The following SLC24A2 variants were observed in gnomAD, a reference collection of about 807,000 sequenced individuals.
SLC24A2 encodes solute carrier family 24 member 2, also known as sodium/potassium/calcium exchanger 2.
SLC24A2 carries 36 observed loss-of-function variants against 62.0 expected under a neutral mutation model. That is an observed-to-expected ratio of 0.58 (90% CI 0.44 to 0.77). SLC24A2 has a LOEUF of 0.77. SLC24A2 is among the 30% of genes least tolerant of loss of function. SLC24A2 has a pLI of 0.00. For missense variants in SLC24A2, 846 were observed against 817.9 expected (o/e 1.03, Z -0.42); for synonymous variants, 358 against 294.0 (o/e 1.22, Z -2.23).
chr9:19,544,942 C>A (rs1834474278), intron 8 of SLC24A2, among the ~76,000 whole-genome samples: 1 of 152,098 alleles, frequency 6.6e-6, no homozygotes, highest in South Asian at 2.1e-4. Flanking sequence ...TTGTGGTGTT[C>A]TCTGTATTTC....
the SLC24A2 span, among the ~76,000 whole-genome samples, chr9:20,076,894 G>A: frequency 1.6e-4 from 21 of 128,828 alleles, no homozygotes; most frequent in South Asian, 1.4e-3. Context: ...TATCATATGT[G>A]TATATATATA....
At chr9:20,139,006 C>T in the SLC24A2 span, among the ~76,000 whole-genome samples, 21 of 152,318 alleles carry the variant, frequency 1.4e-4, no homozygotes, top group African/African-American at 4.6e-4. Flanking sequence ...CACTCCTCCC[C>T]GCCTCATGGT....
At chr9:20,081,546 G>A in the SLC24A2 span, among the ~76,000 whole-genome samples, 3 of 151,558 alleles carry the variant, frequency 2.0e-5, no homozygotes, top group Non-Finnish European at 4.4e-5. Flanking sequence ...GAGTTAATGG[G>A]TGCAGCACAC....
the SLC24A2 span, among the ~76,000 whole-genome samples, chr9:20,135,192 C>T: frequency 2.0e-5 from 3 of 152,088 alleles, no homozygotes; most frequent in South Asian, 4.1e-4. Flanking sequence ...GATTTAGCAA[C>T]AATTATTTTA....
the SLC24A2 span, among the ~76,000 whole-genome samples, chr9:20,305,210 T>G: frequency 5.3e-5 from 8 of 150,968 alleles, no homozygotes; most frequent in Non-Finnish European, 1.0e-4. Context: ...CAGGTTCAAG[T>G]GATTCTCCTG....
intron 4 of SLC24A2, among the ~76,000 whole-genome samples, chr9:19,601,422 G>A (rs1269144168): frequency 2.6e-5 from 4 of 152,168 alleles, no homozygotes; most frequent in African/African-American, 2.4e-5. Context: ...TGCTGTGGAA[G>A]CTTTGTTCTT....
chr9:20,112,631 G>C, the SLC24A2 span, among the ~76,000 whole-genome samples: 4 of 152,120 alleles, frequency 2.6e-5, no homozygotes, highest in African/African-American at 7.2e-5. Flanking sequence ...AATAACCCCA[G>C]GGTGTCAGTG....
In SLC24A2 at chr9:19,511,886, T is replaced by G. The variant is rs768137994; in HGVS notation, c.*4267A>C. ...TCTCGCGTGTGTGTGGGGGTGTGGGTGTGTGTTTGGTAGATGTGGGGAGGA... is the reference window on the plus strand; with the variant it reads ...TCTCGCGTGTGTGTGGGGGTGTGGGGGTGTGTTTGGTAGATGTGGGGAGGA... On this transcript the variant is annotated 3_prime_UTR_variant, in exon 11 of 11. Coordinates refer to ENST00000341998, the MANE Select transcript of SLC24A2 (RefSeq NM_020344.4). The G allele has an allele frequency of 1.3e-5, 2 of 152,278 alleles. No individual in the cohort carries two copies. Among genetic ancestry groups the G allele is most frequent in the East Asian group, 3.9e-4 (2 of 5,190 alleles). 9.4% of individuals were successfully genotyped at this position (152,278 alleles called of 1,614,324 possible).
At chr9:19,690,556 T>C (rs1436241201) in intron 2 of SLC24A2, among the ~76,000 whole-genome samples, 1 of 152,108 alleles carries the variant, frequency 6.6e-6, no homozygotes. Context: ...TGCCTGAGAA[T>C]AGAACTAACT....
At chr9:20,273,033 G>A in the SLC24A2 span, among the ~76,000 whole-genome samples, 13,028 of 152,188 alleles carry the variant, frequency 0.086, 1,141 homozygotes, top group African/African-American at 0.23. Flanking sequence ...GGGAAGAAGA[G>A]GATCTACCGT....
the SLC24A2 span, among the ~76,000 whole-genome samples, chr9:19,994,469 G>T: frequency 1.3e-5 from 2 of 152,270 alleles, no homozygotes; most frequent in Admixed American, 1.3e-4. Context: ...GTCCCAATGT[G>T]TTGGGCACCT....
chr9:20,288,962 C>T, the SLC24A2 span, among the ~76,000 whole-genome samples: 1 of 152,154 alleles, frequency 6.6e-6, no homozygotes, highest in South Asian at 2.1e-4. Context: ...CCGGCATCAA[C>T]CACCAGACAA....
chr9:20,234,502 C>A, the SLC24A2 span, among the ~76,000 whole-genome samples: 3 of 152,232 alleles, frequency 2.0e-5, no homozygotes, highest in Non-Finnish European at 4.4e-5. Context: ...GATACCCTTT[C>A]TTCCAGTTGA....
the SLC24A2 span, among the ~76,000 whole-genome samples, chr9:20,180,930 G>C: frequency 6.6e-6 from 1 of 152,132 alleles, no homozygotes; most frequent in South Asian, 2.1e-4. Flanking sequence ...CTTACAGTGG[G>C]CTCTGTCCTT....
At chr9:19,872,769 T>A in the SLC24A2 span, among the ~76,000 whole-genome samples, 1 of 152,218 alleles carries the variant, frequency 6.6e-6, no homozygotes, top group Non-Finnish European at 1.5e-5. Flanking sequence ...AAGGGATGAT[T>A]GACAATGCAG....
chr9:19,694,982 C>G (rs1177142411), intron 2 of SLC24A2, among the ~76,000 whole-genome samples: 1 of 147,880 alleles, frequency 6.8e-6, no homozygotes, highest in African/African-American at 2.5e-5. Flanking sequence ...CAAATGACCC[C>G]AGAGAGAAGG....
the SLC24A2 span, among the ~76,000 whole-genome samples, chr9:20,096,869 A>T: frequency 6.6e-5 from 10 of 152,052 alleles, no homozygotes; most frequent in Non-Finnish European, 1.3e-4. Context: ...TTGGTGAGGT[A>T]ATTTTGGCTC....
At chr9:19,543,463 T>C (rs1834385063) in intron 8 of SLC24A2, among the ~76,000 whole-genome samples, 1 of 151,932 alleles carries the variant, frequency 6.6e-6, no homozygotes, top group African/African-American at 2.4e-5. Flanking sequence ...TTATTTCTTG[T>C]CTTCTGCTAT....
chr9:19,878,681 C>A, the SLC24A2 span, among the ~76,000 whole-genome samples: 2 of 152,152 alleles, frequency 1.3e-5, no homozygotes, highest in South Asian at 4.2e-4. Context: ...CTTTCTCTTG[C>A]CCTGGCCATG....
Sources: gnomAD v4.1 joint callset for allele counts (sites outside exome capture counted in the v4.1 genomes callset) on GRCh38, gnomAD v4.1.1 for gene constraint, MANE v1.5 for transcripts, NCBI Gene and HGNC (gene_info 2026-07-23, HGNC 2026-07-21) for gene names.